The following SEC22C variants were observed in gnomAD, a reference collection of about 807,000 sequenced individuals.
SEC22C encodes SEC22 homolog C, vesicle trafficking protein, also known as vesicle-trafficking protein SEC22c.
Under a neutral mutation model 34.7 loss-of-function variants are expected in SEC22C, and 29 were observed. The ratio of observed to expected loss-of-function variants is 0.84; its 90% confidence interval spans 0.62 to 1.14. The LOEUF (loss-of-function observed/expected upper bound fraction) is 1.14, where lower values mean the gene tolerates loss of function less well. SEC22C is among the 50% of genes most tolerant of loss of function. The pLI is 0.00. For missense variants in SEC22C, 337 were observed against 369.0 expected (o/e 0.91, Z 0.71); for synonymous variants, 117 against 132.8 (o/e 0.88, Z 0.82).
intron 2 of SEC22C, chr3:42,564,264 C>T (rs1703098450): frequency 4.6e-6 from 1 of 215,742 alleles, no homozygotes; most frequent in South Asian, 7.0e-5. Flanking sequence ...TTTTTCTACT[C>T]CCTTTTGGGC....
chr3:42,596,373 C>G (rs1705030495), intron 1 of SEC22C, among the ~76,000 whole-genome samples: 1 of 152,198 alleles, frequency 6.6e-6, no homozygotes. Context: ...CACTAGCATT[C>G]CTGATGGTTT....
At chr3:42,587,639 GGC>G (rs1704661699) in intron 1 of SEC22C, 1 of 152,178 alleles carries the variant, frequency 6.6e-6, no homozygotes, top group African/African-American at 2.4e-5. Flanking sequence ...GGGAAGCTGA[GGC>G]AGGAGAATGG....
intron 2 of SEC22C, among the ~76,000 whole-genome samples, chr3:42,567,295 G>A (rs1385895064): frequency 2.0e-5 from 3 of 152,214 alleles, no homozygotes; most frequent in Non-Finnish European, 2.9e-5. Context: ...GAAAATAGAC[G>A]TAAAATCTAA....
rs778873243 is a variant in SEC22C, at chr3:42,563,720, A to T, written c.183-34T>A. 3 of 1,612,626 alleles carry T rather than the reference A, an allele frequency of 1.9e-6. No individual in the cohort carries two copies. The African/African-American group carries it at 4.0e-5, about 22-fold the overall frequency. ...AAAGGGCAATATCTGTATTACCAGGAAACAGCCCCATGTATTCCCATCCCA... is the reference window on the plus strand; with the variant it reads ...AAAGGGCAATATCTGTATTACCAGGTAACAGCCCCATGTATTCCCATCCCA... On this transcript the variant is annotated intron_variant, in intron 2 of 6. Transcript: ENST00000264454.
At chr3:42,569,942 T>A (rs1462960791) in intron 1 of SEC22C, among the ~76,000 whole-genome samples, 1 of 152,218 alleles carries the variant, frequency 6.6e-6, no homozygotes, top group Non-Finnish European at 1.5e-5. Flanking sequence ...AACCTGTACA[T>A]CTGTGAGTGG....
At chr3:42,564,276 G>A (rs1019281999) in intron 2 of SEC22C, 2 of 203,164 alleles carry the variant, frequency 9.8e-6, no homozygotes, top group Admixed American at 5.5e-5. Context: ...CTTTTGGGCT[G>A]TCATGCAATC....
intron 4 of SEC22C, among the ~76,000 whole-genome samples, chr3:42,558,319 A>G (rs1396122415): frequency 3.4e-5 from 5 of 146,774 alleles, no homozygotes; most frequent in Non-Finnish European, 7.6e-5. Context: ...TGTCTCTACA[A>G]AAAAAAAAAA....
upstream of SEC22C, among the ~76,000 whole-genome samples, chr3:42,583,681 G>A (rs1704510049): frequency 6.6e-6 from 1 of 152,188 alleles, no homozygotes; most frequent in Non-Finnish European, 1.5e-5. Flanking sequence ...TCAATGGACT[G>A]AGTAAGGAAG....
intron 4 of SEC22C, among the ~76,000 whole-genome samples, chr3:42,559,541 C>A (rs1289217729): frequency 6.6e-6 from 1 of 152,130 alleles, no homozygotes; most frequent in African/African-American, 2.4e-5. Flanking sequence ...GGAATGAGAG[C>A]CAATCCAAGT....
In SEC22C at chr3:42,561,128, T is replaced by C; in HGVS notation, c.515A>G (p.His172Arg). 1.2e-6 allele frequency: 2 copies of C among 1,613,262 alleles called. No homozygotes were observed. Among genetic ancestry groups the C allele is most frequent in the Admixed American group, 1.7e-5 (1 of 59,998 alleles). Reference protein sequence around the residue: ...NGVMNGHTPMHLEPAPNFRME... With the variant: ...NGVMNGHTPMRLEPAPNFRME... ...AACAAGCCACTTACCAGGCTCCAAG[T>C]GCATCGGTGTGTGACCATTCATCAC... Residue 172 changes from histidine to arginine, a missense_variant, in exon 4 of 7, where the codon CAC becomes CGC. By Grantham distance (29) the His-to-Arg change is conservative (BLOSUM62 0). Coordinates refer to ENST00000264454, the MANE Select transcript of SEC22C (RefSeq NM_032970.4).
chr3:42,589,620 C>T (rs1403649802), intron 1 of SEC22C, among the ~76,000 whole-genome samples: 2 of 152,146 alleles, frequency 1.3e-5, no homozygotes, highest in Non-Finnish European at 2.9e-5. Flanking sequence ...TTAGGATCAG[C>T]GGGAGCATTA....
rs767792749 is a variant in SEC22C, at chr3:42,561,111, A to G, written c.526+6T>C. 8 of 1,609,494 alleles carry G rather than the reference A, an allele frequency of 5.0e-6. No homozygotes were observed. The East Asian group carries it at 8.9e-5, about 18-fold the overall frequency. On this transcript the variant is annotated splice_donor_region_variant and intron_variant, in intron 4 of 6. Transcript: ENST00000264454. ...CATCAACATCAGGGAACAACAAGCCACTTACCAGGCTCCAAGTGCATCGGT... is the reference window on the plus strand; with the variant it reads ...CATCAACATCAGGGAACAACAAGCCGCTTACCAGGCTCCAAGTGCATCGGT...
In SEC22C at chr3:42,563,671, C is replaced by A; in HGVS notation, c.198G>T (p.Gly66=). The change falls in exon 3 of 7, where the codon GGG becomes GGT. Residue 66 remains glycine (G), a synonymous_variant. Transcript: ENST00000264454. Reference sequence around the variant, plus strand: ...AGCAGATAGCCATGCAGGCCACGTCCCCGAAAGAAGAAAAACTGAAACAAA... The same window carrying A: ...AGCAGATAGCCATGCAGGCCACGTCACCGAAAGAAGAAAAACTGAAACAAA... ...CDFSIHFSSF[G]DVACMAICSC... 1 of 1,613,914 alleles carries A rather than the reference C, an allele frequency of 6.2e-7. No individual in the cohort carries two copies. The highest frequency in any genetic ancestry group is 8.5e-7 in the Non-Finnish European group (1 of 1,179,914).
chr3:42,589,007 G>A (rs1182007840), intron 1 of SEC22C, among the ~76,000 whole-genome samples: 1 of 152,094 alleles, frequency 6.6e-6, no homozygotes, highest in African/African-American at 2.4e-5. Context: ...GCTCACACCT[G>A]TAATCCCAGC....
intron 1 of SEC22C, chr3:42,591,007 C>A: frequency 6.4e-7 from 1 of 1,554,752 alleles, no homozygotes; most frequent in Non-Finnish European, 8.7e-7. Flanking sequence ...GGAGAGAAGT[C>A]GGGATCCCGA....
intron 2 of SEC22C, among the ~76,000 whole-genome samples, chr3:42,567,792 C>G (rs1703345051): frequency 2.0e-5 from 3 of 152,260 alleles, no homozygotes; most frequent in South Asian, 4.1e-4. Flanking sequence ...TAAAAATGAC[C>G]AGGCGCAGTG....
chr3:42,552,340 G>C lies in SEC22C; in HGVS notation c.*908C>G. 18 of 985,382 alleles carry C rather than the reference G, an allele frequency of 1.8e-5. No homozygotes were observed. The highest frequency in any genetic ancestry group is 2.2e-5 in the Non-Finnish European group (18 of 829,900). 61.0% of individuals were successfully genotyped at this position (985,382 alleles called of 1,614,324 possible). A position where few individuals can be genotyped will look rare whatever the true frequency, so the allele number is the denominator to read the frequency against. On this transcript the variant is annotated 3_prime_UTR_variant, in exon 7 of 7. Transcript: ENST00000264454. The stretch of plus-strand genomic sequence containing the variant: ...TCATCATTAAAACAACAGGCACTCA[G>C]CTCTACTGAAAAGGCTGATGACAGC...
rs563078695 is a variant in SEC22C, at chr3:42,575,119, A to T, written c.-27-6046T>A. 4.6e-5 allele frequency among the ~76,000 whole-genome samples: 7 copies of T among 152,336 alleles called. No individual in the cohort carries two copies. In the South Asian group the frequency reaches 1.4e-3, roughly 32 times the overall value. ...CATCTCAGCTTCCCAAAGTACTGGG[A>T]TTACAGGCATGAGCCACTAGGCCTG... On this transcript the variant is annotated intron_variant, in intron 1 of 6. Transcript: ENST00000264454.
chr3:42,550,116 G>C lies in SEC22C; in HGVS notation c.*3132C>G, dbSNP rs1451303834. 2 of 985,486 alleles carry C rather than the reference G, an allele frequency of 2.0e-6. No homozygotes were observed. Among genetic ancestry groups the C allele is most frequent in the Non-Finnish European group, 2.4e-6 (2 of 829,974 alleles). 61.0% of individuals were successfully genotyped at this position (985,486 alleles called of 1,614,324 possible). ...CCTTTTGGGCTCTGGCCCCGTGGTT[G>C]GGAAACCCTTCCTAAGAGCATGGAG... On this transcript the variant is annotated 3_prime_UTR_variant, in exon 7 of 7. Coordinates refer to ENST00000264454, the MANE Select transcript of SEC22C (RefSeq NM_032970.4).
Sources: gnomAD v4.1 joint callset for allele counts (sites outside exome capture counted in the v4.1 genomes callset) on GRCh38, gnomAD v4.1.1 for gene constraint, MANE v1.5 for transcripts, NCBI Gene and HGNC (gene_info 2026-07-23, HGNC 2026-07-21) for gene names.